Variants in ZSWIM6 observed in about 807,000 individuals in gnomAD.
The protein encoded by ZSWIM6 is zinc finger SWIM-type containing 6.
A neutral mutation model predicts 113.2 loss-of-function variants in ZSWIM6; 9 were observed. That is an observed-to-expected ratio of 0.08 (90% CI 0.05 to 0.14). The LOEUF (loss-of-function observed/expected upper bound fraction) is 0.14, where lower values mean the gene tolerates loss of function less well. Ranked by LOEUF, ZSWIM6 falls within the 10% of genes least tolerant of loss-of-function variation. The probability of loss-of-function intolerance (pLI) is 1.00; values close to 1 mark genes in which losing one functional copy is unlikely to be tolerated. For synonymous variants in ZSWIM6, 611 were observed against 606.5 expected (o/e 1.01, Z -0.11); for missense variants, 1,162 against 1,552.2 (o/e 0.75, Z 4.22).
At chr5:61,364,592 CT>C in intron 1 of ZSWIM6, among the ~76,000 whole-genome samples, 1 of 152,156 alleles carries the variant, frequency 6.6e-6, no homozygotes, top group South Asian at 2.1e-4. Flanking sequence ...ATACCATAAA[CT>C]GGATGGCTTA....
chr5:61,537,627 T>G lies in ZSWIM6; in HGVS notation c.2382-1187T>G, dbSNP rs72761463. ...TACTTAACTGCCTACCTTGCCACCT[T>G]CTCTACTGCTGACATCTTTTTGTTC... On this transcript the variant is annotated intron_variant, in intron 10 of 13. Transcript: ENST00000252744. Among the ~76,000 whole-genome samples the G allele has an allele frequency of 3.1e-3, 470 of 152,228 alleles. 1 individual carries two copies. The highest frequency in any genetic ancestry group is 4.8e-3 in the Admixed American group (73 of 15,296).
Position 61,521,354 on chromosome 5 carries a change from T to A in ZSWIM6, c.1425T>A (p.Val475=). The change falls in exon 5 of 14, where the codon GTT becomes GTA. Residue 475 remains valine (V), a synonymous_variant. Transcript: ENST00000252744. The stretch of plus-strand genomic sequence containing the variant: ...AACAGCTGAAGAAATGGAATAGTGT[T>A]GATGTCTGTCCATGGGAAGATGGAA... ...WLKQLKKWNS[V]DVCPWEDGNH... The A allele has an allele frequency of 6.5e-7, 1 of 1,530,686 alleles. No homozygotes were observed. Among genetic ancestry groups the A allele is most frequent in the Non-Finnish European group, 8.8e-7 (1 of 1,137,474 alleles). The allele number at this position is 1,530,686 out of a possible 1,614,324, so 94.8% of individuals were successfully genotyped here. A position where few individuals can be genotyped will look rare whatever the true frequency, so the allele number is the denominator to read the frequency against.
intron 1 of ZSWIM6, among the ~76,000 whole-genome samples, chr5:61,362,261 C>T (rs1392730479): frequency 6.6e-6 from 1 of 151,908 alleles, no homozygotes; most frequent in Non-Finnish European, 1.5e-5. Flanking sequence ...TGCAATGGCC[C>T]CATCTTGGCT....
intron 1 of ZSWIM6, among the ~76,000 whole-genome samples, chr5:61,412,874 T>C (rs992574633): frequency 6.6e-6 from 1 of 152,196 alleles, no homozygotes; most frequent in African/African-American, 2.4e-5. Context: ...CATTCATTCC[T>C]TTTGAATACC....
At chr5:61,349,907 A>G (rs1744745233) in intron 1 of ZSWIM6, among the ~76,000 whole-genome samples, 1 of 152,180 alleles carries the variant, frequency 6.6e-6, no homozygotes, top group Admixed American at 6.5e-5. Flanking sequence ...ATGATATGCA[A>G]AAAAAACACA....
intron 1 of ZSWIM6, among the ~76,000 whole-genome samples, chr5:61,407,389 G>A (rs1746066246): frequency 6.6e-6 from 1 of 152,116 alleles, no homozygotes; most frequent in African/African-American, 2.4e-5. Context: ...AAACTGCATG[G>A]GGAATGACAG....
At chr5:61,476,447 C>T (rs907678449) in intron 2 of ZSWIM6, among the ~76,000 whole-genome samples, 3 of 152,060 alleles carry the variant, frequency 2.0e-5, no homozygotes, top group African/African-American at 7.2e-5. Context: ...TGTCAGTGGA[C>T]CTTTTAACAT....
chr5:61,484,807 C>T (rs893145492), intron 2 of ZSWIM6, among the ~76,000 whole-genome samples: 28 of 152,126 alleles, frequency 1.8e-4, no homozygotes, highest in Admixed American at 1.6e-3. Context: ...CTGATGACCT[C>T]GGGGCTCAAC....
intron 1 of ZSWIM6, among the ~76,000 whole-genome samples, chr5:61,416,333 G>T (rs986278972): frequency 6.6e-6 from 1 of 152,074 alleles, no homozygotes; most frequent in Admixed American, 6.5e-5. Flanking sequence ...CCCTCCTCCC[G>T]CAGAAACGAT....
rs1463330990 is a variant in ZSWIM6, at chr5:61,492,193, G to GA, written c.1182+1265dup. Among the ~76,000 whole-genome samples, 4 of 151,940 alleles carry GA rather than the reference G, an allele frequency of 2.6e-5. No individual in the cohort carries two copies. The South Asian group carries it at 6.2e-4, about 24-fold the overall frequency. ...TGTGTAATAGGTTAGAAATCTACCAGAAAAAATAAACATTAAATCAAATCC... is the reference window on the plus strand; with the variant it reads ...TGTGTAATAGGTTAGAAATCTACCAGAAAAAAATAAACATTAAATCAAATCC... On this transcript the variant is annotated intron_variant, in intron 3 of 13. Transcript: ENST00000252744.
intron 1 of ZSWIM6, among the ~76,000 whole-genome samples, chr5:61,390,278 A>C (rs1745679395): frequency 6.6e-6 from 1 of 152,226 alleles, no homozygotes; most frequent in African/African-American, 2.4e-5. Flanking sequence ...TGCTGTAATT[A>C]ACCCATACTT....
At chr5:61,430,723 A>G (rs1467964300) in intron 1 of ZSWIM6, among the ~76,000 whole-genome samples, 1 of 152,204 alleles carries the variant, frequency 6.6e-6, no homozygotes, top group Non-Finnish European at 1.5e-5. Flanking sequence ...TTCCCAGTAT[A>G]CATCTGTAAA....
At chr5:61,462,887 G>T (rs543133085) in intron 1 of ZSWIM6, among the ~76,000 whole-genome samples, 179 of 152,284 alleles carry the variant, frequency 1.2e-3, no homozygotes, top group African/African-American at 4.1e-3. Context: ...GTTTTAAAAA[G>T]TGCTAATTCT....
chr5:61,366,964 TTA>T (rs1262624788), intron 1 of ZSWIM6, among the ~76,000 whole-genome samples: 1 of 148,216 alleles, frequency 6.7e-6, no homozygotes. Context: ...AGGCAATGCC[TTA>T]TATACAGGCA....
At chr5:61,449,987 T>G (rs904233572) in intron 1 of ZSWIM6, among the ~76,000 whole-genome samples, 1 of 152,236 alleles carries the variant, frequency 6.6e-6, no homozygotes, top group Admixed American at 6.5e-5. Context: ...TGAACAGTTT[T>G]GGACTGACCC....
chr5:61,534,691 A>G (rs1580069856), intron 9 of ZSWIM6, among the ~76,000 whole-genome samples: 1 of 122,782 alleles, frequency 8.1e-6, no homozygotes, highest in East Asian at 1.9e-4. Flanking sequence ...TTAAAAGTCT[A>G]TGTTGCCGTT....
At chr5:61,539,956 T>G (rs1294290929) in intron 12 of ZSWIM6, among the ~76,000 whole-genome samples, 197 bp downstream of exon 12, 1 of 152,168 alleles carries the variant, frequency 6.6e-6, no homozygotes, top group African/African-American at 2.4e-5. Flanking sequence ...GTAAGGTGCA[T>G]GGACTGTACA....
intron 1 of ZSWIM6, among the ~76,000 whole-genome samples, chr5:61,413,658 A>G (rs1161686283): frequency 1.3e-5 from 2 of 152,066 alleles, no homozygotes; most frequent in Non-Finnish European, 2.9e-5. Context: ...AAATGTTCCT[A>G]TTTCTCCACA....
At chr5:61,369,674 G>A (rs1048070234) in intron 1 of ZSWIM6, among the ~76,000 whole-genome samples, 4 of 152,034 alleles carry the variant, frequency 2.6e-5, no homozygotes, top group African/African-American at 9.7e-5. Flanking sequence ...TGACTGACGG[G>A]GCATTAGTTT....
Sources: gnomAD v4.1 joint callset for allele counts (sites outside exome capture counted in the v4.1 genomes callset) on GRCh38, gnomAD v4.1.1 for gene constraint, MANE v1.5 for transcripts, NCBI Gene and HGNC (gene_info 2026-07-23, HGNC 2026-07-21) for gene names.